Variants in EXOC4 observed in about 807,000 individuals in gnomAD.
EXOC4 encodes the protein SEC8-like 1.
EXOC4 carries 71 observed loss-of-function variants against 107.2 expected under a neutral mutation model. That is an observed-to-expected ratio of 0.66 (90% confidence interval 0.55 to 0.81). EXOC4 has a LOEUF of 0.81. EXOC4 is among the 30% of genes least tolerant of loss of function. EXOC4 has a pLI of 0.00. For missense variants in EXOC4, 1,108 were observed against 1,189.6 expected, an observed-to-expected ratio of 0.93 and a Z score of 1.01; for synonymous variants, 456 against 441.2, an observed-to-expected ratio of 1.03 and a Z score of -0.42.
chr7:133,971,361 T>TATATATATATAGAGAG (rs1489958236), intron 14 of EXOC4, among the ~76,000 whole-genome samples: 14 of 75,078 alleles, frequency 1.9e-4, no homozygotes, highest in African/African-American at 6.7e-4. Context: ...TATATATATA[T>TATATATATATAGAGAG]AGAGAGAGAG....
At chr7:133,618,776 T>G (rs1235217430) in intron 9 of EXOC4, among the ~76,000 whole-genome samples, 1 of 152,166 alleles carries the variant, frequency 6.6e-6, no homozygotes, top group Non-Finnish European at 1.5e-5. Flanking sequence ...ACCTTGGAGA[T>G]CTGGGAAATA....
intron 7 of EXOC4, among the ~76,000 whole-genome samples, chr7:133,474,046 TTTAATCAGGGAA>T (rs1798949572): frequency 6.6e-6 from 1 of 152,264 alleles, no homozygotes; most frequent in East Asian, 1.9e-4. Flanking sequence ...ACTGTGTGTG[TTTAATCAGGGAA>T]TTTAGTTCAC....
intron 10 of EXOC4, among the ~76,000 whole-genome samples, chr7:133,790,832 C>T (rs1188632278): frequency 6.6e-6 from 1 of 152,216 alleles, no homozygotes; most frequent in Admixed American, 6.5e-5. Context: ...CATTCATTCT[C>T]AGGCATGTGG....
At chr7:133,615,203 C>T (rs185470306) in intron 9 of EXOC4, among the ~76,000 whole-genome samples, 84 of 152,068 alleles carry the variant, frequency 5.5e-4, no homozygotes, top group African/African-American at 1.9e-3. Flanking sequence ...ACTTTCCCCA[C>T]CTCCTCCACT....
At chr7:133,270,313 C>G (rs1793837658) in intron 1 of EXOC4, among the ~76,000 whole-genome samples, 1 of 152,144 alleles carries the variant, frequency 6.6e-6, no homozygotes, top group South Asian at 2.1e-4. Flanking sequence ...AATACAGGTA[C>G]CTACCTCATA....
At chr7:133,751,456 T>C (rs1301774237) in intron 10 of EXOC4, among the ~76,000 whole-genome samples, 2 of 152,158 alleles carry the variant, frequency 1.3e-5, no homozygotes, top group Admixed American at 1.3e-4. Context: ...CCACCCAAAG[T>C]TGATTTGTCA....
intron 10 of EXOC4, among the ~76,000 whole-genome samples, chr7:133,631,392 C>A (rs1802588297): frequency 6.6e-6 from 1 of 152,072 alleles, no homozygotes; most frequent in Admixed American, 6.6e-5. Flanking sequence ...CCGAGACTTA[C>A]TAAATTGATA....
intron 10 of EXOC4, among the ~76,000 whole-genome samples, chr7:133,739,535 G>A (rs957836032): frequency 1.9e-4 from 29 of 152,162 alleles, no homozygotes; most frequent in African/African-American, 7.0e-4. Context: ...AGAAACACTT[G>A]GCTTACACAT....
intron 9 of EXOC4, among the ~76,000 whole-genome samples, chr7:133,560,205 C>T (rs1019245482): frequency 6.6e-6 from 1 of 152,074 alleles, no homozygotes; most frequent in Non-Finnish European, 1.5e-5. Flanking sequence ...GTATACATCC[C>T]ATGTTTTTTG....
chr7:133,405,548 G>A (rs35316038), intron 7 of EXOC4, among the ~76,000 whole-genome samples: 2 of 151,998 alleles, frequency 1.3e-5, no homozygotes, highest in Non-Finnish European at 2.9e-5. Flanking sequence ...TTATAATTTA[G>A]GGCTAGTAAA....
chr7:133,772,664 A>AC (rs1331747394), intron 10 of EXOC4, among the ~76,000 whole-genome samples: 1 of 152,128 alleles, frequency 6.6e-6, no homozygotes, highest in Non-Finnish European at 1.5e-5. Flanking sequence ...CATGAGGTAG[A>AC]AACCATGTTG....
At chr7:133,278,696 G>A (rs1222597705) in intron 2 of EXOC4, among the ~76,000 whole-genome samples, 1 of 152,126 alleles carries the variant, frequency 6.6e-6, no homozygotes, top group East Asian at 1.9e-4. Context: ...TGGTGGGTGG[G>A]TGTAGGGAAG....
chr7:133,857,860 G>C (rs562919298), intron 11 of EXOC4, among the ~76,000 whole-genome samples: 1 of 152,090 alleles, frequency 6.6e-6, no homozygotes, highest in East Asian at 1.9e-4. Flanking sequence ...ACAGCTCGGC[G>C]GATCGGGCGT....
chr7:133,436,677 C>T (rs911744938), intron 7 of EXOC4, among the ~76,000 whole-genome samples: 2 of 152,060 alleles, frequency 1.3e-5, no homozygotes, highest in Non-Finnish European at 2.9e-5. Flanking sequence ...TTCGTGTGTA[C>T]GAGCCAGTGG....
intron 5 of EXOC4, among the ~76,000 whole-genome samples, chr7:133,318,372 A>G (rs142076158): frequency 4.6e-5 from 7 of 152,298 alleles, no homozygotes; most frequent in South Asian, 4.1e-4. Context: ...GTTCAGCTCA[A>G]CTGGGCTTGG....
chr7:133,253,361 C>CT (rs997178885), intron 1 of EXOC4, 174 bp downstream of exon 1: 59 of 1,398,474 alleles, frequency 4.2e-5, no homozygotes, highest in South Asian at 1.7e-4. Context: ...CCCCCTCCAC[C>CT]TTTTTTTTCT....
intron 17 of EXOC4, among the ~76,000 whole-genome samples, chr7:134,048,700 C>A (rs1042296463): frequency 5.3e-5 from 8 of 152,118 alleles, no homozygotes; most frequent in Non-Finnish European, 7.4e-5. Context: ...TTAATGGCCC[C>A]AGGTCACATT....
chr7:133,835,475 A>T (rs942385293), intron 11 of EXOC4, among the ~76,000 whole-genome samples: 1 of 152,194 alleles, frequency 6.6e-6, no homozygotes, highest in African/African-American at 2.4e-5. Context: ...AAAGGGTTGC[A>T]TTCTTTTGAG....
At chr7:133,699,857 T>C (rs944003867) in intron 10 of EXOC4, among the ~76,000 whole-genome samples, 3 of 152,202 alleles carry the variant, frequency 2.0e-5, no homozygotes, top group African/African-American at 7.2e-5. Context: ...AAATTTATTG[T>C]TTGCAATAGA....
Sources: gnomAD v4.1 joint callset for allele counts (sites outside exome capture counted in the v4.1 genomes callset) on GRCh38, gnomAD v4.1.1 for gene constraint, MANE v1.5 for transcripts, NCBI Gene and HGNC (gene_info 2026-07-23, HGNC 2026-07-21) for gene names.